The following SMYD3 variants were observed in gnomAD, a reference collection of about 807,000 sequenced individuals.
SMYD3 encodes histone-lysine N-methyltransferase SMYD3.
A neutral mutation model predicts 57.7 loss-of-function variants in SMYD3; 36 were observed. The ratio of observed to expected loss-of-function variants is 0.62; its 90% CI spans 0.48 to 0.82. The LOEUF is 0.82. SMYD3 is among the 40% of genes least tolerant of loss of function. The pLI is 0.00. For missense variants in SMYD3, 515 were observed against 538.8 expected (o/e 0.96, Z 0.44); for synonymous variants, 211 against 195.0 (o/e 1.08, Z -0.68).
intron 5 of SMYD3, among the ~76,000 whole-genome samples, chr1:246,048,462 G>A (rs1401289373): frequency 6.6e-6 from 1 of 152,146 alleles, no homozygotes; most frequent in East Asian, 1.9e-4. Context: ...TGACAAAAAA[G>A]TAAAAATACT....
At chr1:246,035,217 A>G (rs986485134) in intron 5 of SMYD3, 3 of 152,248 alleles carry the variant, frequency 2.0e-5, no homozygotes, top group African/African-American at 7.2e-5. Context: ...TCTTTGTTTC[A>G]GCAATCAAAA....
intron 5 of SMYD3, among the ~76,000 whole-genome samples, chr1:246,121,432 CAAAAAAAAA>C (rs10646615): frequency 4.0e-5 from 4 of 100,298 alleles, no homozygotes; most frequent in Non-Finnish European, 5.7e-5. Context: ...TTCCATTTTG[CAAAAAAAAA>C]AAAAAAAAAA....
At chr1:246,012,833 T>C (rs1418294477) in intron 5 of SMYD3, among the ~76,000 whole-genome samples, 1 of 152,180 alleles carries the variant, frequency 6.6e-6, no homozygotes, top group Non-Finnish European at 1.5e-5. Flanking sequence ...AAGGATACAC[T>C]ACAAGGTCCT....
chr1:245,903,566 G>A (rs775198472), intron 8 of SMYD3, among the ~76,000 whole-genome samples: 10 of 152,130 alleles, frequency 6.6e-5, no homozygotes, highest in African/African-American at 9.7e-5. Context: ...TTCCTATTGC[G>A]AAAAGGGGCA....
At chr1:246,253,101 A>G (rs1263241545) in intron 5 of SMYD3, among the ~76,000 whole-genome samples, 2 of 151,946 alleles carry the variant, frequency 1.3e-5, no homozygotes, top group Non-Finnish European at 2.9e-5. Flanking sequence ...AATTTAATAA[A>G]TTTTTCTGGG....
At chr1:246,412,495 T>C (rs1280924975) in intron 1 of SMYD3, among the ~76,000 whole-genome samples, 1 of 152,148 alleles carries the variant, frequency 6.6e-6, no homozygotes, top group East Asian at 1.9e-4. Context: ...ATAAAACATA[T>C]TGAATGACAA....
chr1:246,360,104 T>C (rs1280602680), intron 1 of SMYD3, among the ~76,000 whole-genome samples: 1 of 152,182 alleles, frequency 6.6e-6, no homozygotes, highest in Non-Finnish European at 1.5e-5. Flanking sequence ...AGTACATGAA[T>C]TCAGCAAAGT....
intron 5 of SMYD3, among the ~76,000 whole-genome samples, chr1:246,002,267 C>T (rs1005570372): frequency 1.7e-4 from 23 of 136,776 alleles, no homozygotes; most frequent in Non-Finnish European, 3.5e-4. Context: ...TCACTGCAAG[C>T]TCCGCCTCCC....
chr1:246,482,912 A>G (rs1464902230), intron 1 of SMYD3, among the ~76,000 whole-genome samples: 1 of 149,816 alleles, frequency 6.7e-6, no homozygotes, highest in Non-Finnish European at 1.5e-5. Context: ...GGAGCCTCTG[A>G]TTCCCCAGAG....
chr1:246,369,751 C>T (rs2066164208), intron 1 of SMYD3, among the ~76,000 whole-genome samples: 1 of 152,220 alleles, frequency 6.6e-6, no homozygotes, highest in Non-Finnish European at 1.5e-5. Flanking sequence ...TAGTCTCAAA[C>T]TTCTGGACTC....
At chr1:246,437,964 G>A (rs1268518870) in intron 1 of SMYD3, among the ~76,000 whole-genome samples, 6 of 152,206 alleles carry the variant, frequency 3.9e-5, no homozygotes, top group South Asian at 2.1e-4. Context: ...TACCAATTAC[G>A]TATTCATAGT....
chr1:246,397,168 GCTCCAC>G (rs1461971280), intron 1 of SMYD3, among the ~76,000 whole-genome samples: 6 of 152,188 alleles, frequency 3.9e-5, no homozygotes, highest in Admixed American at 2.0e-4. Flanking sequence ...TACCACCTGA[GCTCCAC>G]CTCCTGTCAG....
intron 5 of SMYD3, among the ~76,000 whole-genome samples, chr1:246,287,881 A>C (rs1266181311): frequency 6.6e-6 from 1 of 152,092 alleles, no homozygotes; most frequent in Non-Finnish European, 1.5e-5. Context: ...AATTTTTAAA[A>C]TGAGGGCTGA....
intron 1 of SMYD3, among the ~76,000 whole-genome samples, chr1:246,485,616 A>C (rs912399069): frequency 1.3e-4 from 18 of 138,968 alleles, no homozygotes; most frequent in African/African-American, 4.4e-4. Context: ...ACCCCCCCCC[A>C]CATCTCTACA....
intron 5 of SMYD3, among the ~76,000 whole-genome samples, chr1:246,094,132 G>A (rs2060872760): frequency 6.6e-6 from 1 of 151,960 alleles, no homozygotes; most frequent in Non-Finnish European, 1.5e-5. Context: ...GGGGGCAGCT[G>A]CCTGCGGGAG....
At chr1:246,488,591 CAGG>C (rs2068223130) in intron 1 of SMYD3, among the ~76,000 whole-genome samples, 2 of 152,292 alleles carry the variant, frequency 1.3e-5, no homozygotes, top group African/African-American at 4.8e-5. Context: ...GAATCTGAGG[CAGG>C]AGAATAGCTT....
intron 5 of SMYD3, among the ~76,000 whole-genome samples, chr1:246,189,776 T>A (rs1316564610): frequency 6.6e-6 from 1 of 152,170 alleles, no homozygotes; most frequent in Non-Finnish European, 1.5e-5. Context: ...TTTTAAGACA[T>A]ATTGAAACTC....
At chr1:246,071,830 A>T (rs1236615679) in intron 5 of SMYD3, among the ~76,000 whole-genome samples, 57 of 116,822 alleles carry the variant, frequency 4.9e-4, no homozygotes, top group Middle Eastern at 4.5e-3. Flanking sequence ...CTCACTGTGG[A>T]TGCTTCCTGT....
chr1:246,328,050 A>C (rs1402264147), intron 4 of SMYD3, among the ~76,000 whole-genome samples: 4 of 151,946 alleles, frequency 2.6e-5, no homozygotes, highest in Admixed American at 6.6e-5. Flanking sequence ...AAAAATCAGC[A>C]GGGCGTGGTG....
Sources: allele counts gnomAD v4.1 joint callset (sites outside exome capture counted in the v4.1 genomes callset), GRCh38; gene constraint gnomAD v4.1.1; transcripts MANE v1.5; gene names NCBI Gene and HGNC (gene_info 2026-07-23, HGNC 2026-07-21).